ZFHX3: variants seen among roughly 807,000 people sequenced by gnomAD.
ZFHX3 encodes zinc finger homeobox protein 3.
A neutral mutation model predicts 279.1 loss-of-function variants in ZFHX3; 42 were observed. The observed-to-expected ratio is 0.15, with a 90% CI of 0.12 to 0.19. The LOEUF is 0.19. Ranked by LOEUF, ZFHX3 falls within the 10% of genes least tolerant of loss-of-function variation. ZFHX3 has a pLI of 1.00. For synonymous variants in ZFHX3, 2,293 were observed against 1,957.8 expected (o/e 1.17, Z -4.52); for missense variants, 4,981 against 4,754.0 (o/e 1.05, Z -1.40).
intron 3 of ZFHX3, among the ~76,000 whole-genome samples, chr16:72,946,577 C>G (rs371997933): frequency 2.2e-4 from 33 of 152,196 alleles, no homozygotes; most frequent in African/African-American, 7.0e-4. Context: ...GTGCCCCGCC[C>G]CCTCCGGGTA....
At position 73,347,005 on chromosome 16, in the gene ZFHX3, A is replaced by G. The variant is rs191035022; in HGVS notation, c.-1290-28669T>C. On this transcript the variant is annotated intron_variant, in intron 3 of 17. Coordinates refer to the ZFHX3 transcript ENST00000641206. ...CATTCCTGTGTTACAAGGGGAGGAA[A>G]TTGAAGCTCAGAGCCATAAAATAAC... 1.7e-3 allele frequency among the ~76,000 whole-genome samples: 256 copies of G among 152,304 alleles called. 2 individuals are homozygous for G. The highest frequency in any genetic ancestry group is 5.5e-3 in the African/African-American group (230 of 41,558).
chr16:73,221,941 T>C (rs1033009774), intron 5 of ZFHX3, among the ~76,000 whole-genome samples: 11 of 152,162 alleles, frequency 7.2e-5, no homozygotes, highest in African/African-American at 1.9e-4. Flanking sequence ...TACCATATTT[T>C]ATTTAATAAA....
intron 2 of ZFHX3, among the ~76,000 whole-genome samples, chr16:73,641,426 T>C (rs1020757901): frequency 6.6e-6 from 1 of 152,068 alleles, no homozygotes; most frequent in Non-Finnish European, 1.5e-5. Flanking sequence ...CGCTTACATA[T>C]TGTCCCACAG....
intron 8 of ZFHX3, among the ~76,000 whole-genome samples, chr16:73,089,621 G>C (rs984277920): frequency 3.9e-5 from 6 of 152,012 alleles, no homozygotes; most frequent in Non-Finnish European, 7.4e-5. Context: ...CATGAATCAG[G>C]GCAGGTCTCT....
At chr16:73,330,515 C>T (rs1368699973) in intron 3 of ZFHX3, among the ~76,000 whole-genome samples, 1 of 152,200 alleles carries the variant, frequency 6.6e-6, no homozygotes, top group Non-Finnish European at 1.5e-5. Flanking sequence ...GGGCAAACGT[C>T]AGGATTTTGT....
At chr16:73,296,846 A>C (rs1457607850) in intron 4 of ZFHX3, among the ~76,000 whole-genome samples, 1 of 139,026 alleles carries the variant, frequency 7.2e-6, no homozygotes, top group African/African-American at 2.8e-5. Context: ...GCATCCTCTC[A>C]TTTACTTTAT....
chr16:73,086,421 T>C (rs959302908), intron 8 of ZFHX3, among the ~76,000 whole-genome samples: 3 of 152,158 alleles, frequency 2.0e-5, no homozygotes, highest in African/African-American at 7.2e-5. Flanking sequence ...ATGTTTATTG[T>C]GGCATTACTC....
intron 2 of ZFHX3, among the ~76,000 whole-genome samples, chr16:73,486,140 T>C (rs2018969903): frequency 6.6e-6 from 1 of 152,224 alleles, no homozygotes; most frequent in African/African-American, 2.4e-5. Flanking sequence ...ATAAGGCTGA[T>C]TCATGCTGAC....
intron 5 of ZFHX3, among the ~76,000 whole-genome samples, chr16:73,206,044 C>T (rs533757516): frequency 8.5e-5 from 13 of 152,284 alleles, no homozygotes; most frequent in South Asian, 2.1e-4. Context: ...AAGAAAACAA[C>T]GGATATTCTG....
intron 1 of ZFHX3, among the ~76,000 whole-genome samples, chr16:73,780,707 G>A (rs1449822651): frequency 1.3e-5 from 2 of 152,244 alleles, no homozygotes; most frequent in African/African-American, 4.8e-5. Flanking sequence ...CTCCCAAAGA[G>A]CTGGGATTAC....
At chr16:73,038,056 T>C (rs2144693729) in intron 1 of ZFHX3, among the ~76,000 whole-genome samples, 1 of 152,322 alleles carries the variant, frequency 6.6e-6, no homozygotes, top group Admixed American at 6.5e-5. Flanking sequence ...TAGTATTCCA[T>C]TTAGACTTTC....
intron 2 of ZFHX3, among the ~76,000 whole-genome samples, chr16:73,485,438 A>G (rs6564266): frequency 0.16 from 23,778 of 144,684 alleles, 2,375 homozygotes; most frequent in South Asian, 0.28. Flanking sequence ...AAAAAAAAAA[A>G]AAAAAAAAAC....
At chr16:73,252,351 G>C (rs1397502284) in intron 5 of ZFHX3, among the ~76,000 whole-genome samples, 1 of 152,232 alleles carries the variant, frequency 6.6e-6, no homozygotes, top group Non-Finnish European at 1.5e-5. Flanking sequence ...AGCTGGGGTA[G>C]TGGCATGGGG....
intron 2 of ZFHX3, among the ~76,000 whole-genome samples, chr16:73,631,630 C>T (rs1350453540): frequency 2.0e-5 from 3 of 152,064 alleles, no homozygotes; most frequent in South Asian, 2.1e-4. Context: ...TCTGGCTGGG[C>T]GCAGTGGCTC....
chr16:72,796,500 G>A lies in ZFHX3; in HGVS notation c.6182C>T (p.Thr2061Ile), dbSNP rs2143433617. 3 of 1,607,448 alleles carry A rather than the reference G, an allele frequency of 1.9e-6. No homozygotes were observed. Among genetic ancestry groups the A allele is most frequent in the South Asian group, 1.1e-5 (1 of 90,888 alleles). ...TGGGGCTGATGCGGGGATGGCTGGTGTGGACGCCGGCTGAGGCGGCGCTGC... is the reference window on the plus strand; with the variant it reads ...TGGGGCTGATGCGGGGATGGCTGGTATGGACGCCGGCTGAGGCGGCGCTGC... Reference protein sequence around the residue: ...LPAAPPQPASTPAIPASAPPI... With the variant: ...LPAAPPQPASIPAIPASAPPI... Residue 2061 changes from threonine to isoleucine, a missense_variant, in exon 9 of 10, where the codon ACA becomes ATA. Transcript: ENST00000268489.
At position 73,711,316 on chromosome 16, in the gene ZFHX3, G is replaced by A. The variant is rs73599937; in HGVS notation, c.-1607-31076C>T. On this transcript the variant is annotated intron_variant, in intron 1 of 17. Coordinates refer to the ZFHX3 transcript ENST00000641206. ...GTGCATTTATAGTCAACGCATTCTC[G>A]GTATAAGAAAATAAAAAGAAGTCAG... Among the ~76,000 whole-genome samples, 420 of 152,038 alleles carry A rather than the reference G, an allele frequency of 2.8e-3. 1 individual carries two copies. The highest frequency in any genetic ancestry group is 8.9e-3 in the African/African-American group (368 of 41,458).
chr16:73,054,332 C>T (rs1465224466), intron 1 of ZFHX3, among the ~76,000 whole-genome samples: 12 of 151,976 alleles, frequency 7.9e-5, no homozygotes, highest in Admixed American at 7.9e-4. Flanking sequence ...AGGTTCCAGG[C>T]AGGCGAGCGC....
At chr16:72,955,426 G>A (rs764208611) in intron 2 of ZFHX3, among the ~76,000 whole-genome samples, 21 of 152,168 alleles carry the variant, frequency 1.4e-4, no homozygotes, top group African/African-American at 2.7e-4. Flanking sequence ...GTGTGAAAGC[G>A]AAATATTTCT....
intron 1 of ZFHX3, among the ~76,000 whole-genome samples, chr16:73,881,453 ACTCT>A (rs368431262): frequency 0.011 from 416 of 38,944 alleles, 8 homozygotes; most frequent in African/African-American, 0.025. Flanking sequence ...ACACACACAC[ACTCT>A]CTCTCTCTCT....
Sources: allele counts gnomAD v4.1 joint callset (sites outside exome capture counted in the v4.1 genomes callset), GRCh38; gene constraint gnomAD v4.1.1; transcripts MANE v1.5; gene names NCBI Gene and HGNC (gene_info 2026-07-23, HGNC 2026-07-21).